The following ADRA1B variants were observed in gnomAD, a reference collection of about 807,000 sequenced individuals.
ADRA1B encodes the protein adrenoceptor alpha 1B, also known as alpha-1B adrenergic receptor.
In ADRA1B, 17 loss-of-function variants were observed where a neutral mutation model predicts 17.9. The ratio of observed to expected loss-of-function variants is 0.95; its 90% CI spans 0.65 to 1.42. ADRA1B has a LOEUF of 1.42. Among genes scored for constraint, ADRA1B ranks in the 40% most tolerant of loss-of-function variants. The probability of loss-of-function intolerance (pLI) is 0.00; values close to 1 mark genes in which losing one functional copy is unlikely to be tolerated. For missense variants in ADRA1B, 681 were observed against 722.1 expected (o/e 0.94, Z 0.65); for synonymous variants, 366 against 327.6 (o/e 1.12, Z -1.27).
At chr5:159,913,840 A>G (rs1219275566), upstream of ADRA1B, among the ~76,000 whole-genome samples, 1 of 152,080 alleles carries the variant, frequency 6.6e-6, no homozygotes, top group Non-Finnish European at 1.5e-5. Flanking sequence ...GGCCACCACA[A>G]TCAAAATGTG....
intron 1 of ADRA1B, among the ~76,000 whole-genome samples, chr5:159,934,594 C>T (rs1203211148): frequency 6.6e-6 from 1 of 151,974 alleles, no homozygotes; most frequent in African/African-American, 2.4e-5. Context: ...CACTTGAGGT[C>T]AGGAGTTTGA....
intron 1 of ADRA1B, among the ~76,000 whole-genome samples, chr5:159,959,414 A>T (rs1755623929): frequency 6.6e-6 from 1 of 152,260 alleles, no homozygotes; most frequent in African/African-American, 2.4e-5. Flanking sequence ...CATTCACTGT[A>T]ACAGGCTCTG....
rs142034556 is a variant in ADRA1B, at chr5:159,897,095, G to A, written c.-255-19024G>A. The stretch of plus-strand genomic sequence containing the variant: ...CAACTGATCCAAAGTCACACAGCAA[G>A]GAGATGACAGAGCTGGGAGGAAAAT... On this transcript the variant is annotated intron_variant, in intron 1 of 2. Coordinates refer to the ADRA1B transcript ENST00000641205. Among the ~76,000 whole-genome samples, 47 of 152,348 alleles carry A rather than the reference G, an allele frequency of 3.1e-4. No homozygotes were observed. In the East Asian group the frequency reaches 8.9e-3, roughly 29 times the overall value.
chr5:159,887,864 T>C (rs1208778262), intron 1 of ADRA1B, among the ~76,000 whole-genome samples: 2 of 150,512 alleles, frequency 1.3e-5, no homozygotes, highest in South Asian at 4.2e-4. Context: ...TCGGTGGAAG[T>C]GCTAACAAGG....
At chr5:159,910,074 A>C (rs1267098197) in intron 1 of ADRA1B, among the ~76,000 whole-genome samples, 1 of 152,230 alleles carries the variant, frequency 6.6e-6, no homozygotes, top group South Asian at 2.1e-4. Context: ...ATATACGCAC[A>C]CACATATATA....
chr5:159,905,875 G>A (rs1290793356), intron 1 of ADRA1B, among the ~76,000 whole-genome samples: 1 of 125,336 alleles, frequency 8.0e-6, no homozygotes, highest in Non-Finnish European at 1.8e-5. Context: ...TTTTTTTTTT[G>A]AGTCAGAGTC....
upstream of ADRA1B, among the ~76,000 whole-genome samples, chr5:159,913,781 C>A (rs552523678): frequency 9.9e-5 from 15 of 152,244 alleles, no homozygotes; most frequent in South Asian, 3.1e-3. Context: ...TGGTGTGTTG[C>A]TGGCTGTTCA....
intron 1 of ADRA1B, among the ~76,000 whole-genome samples, chr5:159,939,948 C>A (rs1755080377): frequency 6.6e-6 from 1 of 152,216 alleles, no homozygotes; most frequent in Non-Finnish European, 1.5e-5. Flanking sequence ...TCTGTCCTCA[C>A]TCCATGCCCA....
chr5:159,912,215 C>G (rs963014410), upstream of ADRA1B, among the ~76,000 whole-genome samples: 1 of 152,206 alleles, frequency 6.6e-6, no homozygotes, highest in African/African-American at 2.4e-5. Flanking sequence ...CTTCATTTCA[C>G]AGGTGAGGAA....
At chr5:159,941,426 A>G (rs564895242) in intron 1 of ADRA1B, among the ~76,000 whole-genome samples, 2 of 152,314 alleles carry the variant, frequency 1.3e-5, no homozygotes, top group African/African-American at 4.8e-5. Flanking sequence ...ACTCACATTT[A>G]TGGCAATGTA....
intron 1 of ADRA1B, among the ~76,000 whole-genome samples, chr5:159,896,818 AC>A (rs1335810652): frequency 7.9e-5 from 12 of 152,218 alleles, no homozygotes; most frequent in African/African-American, 2.9e-4. Flanking sequence ...TCTCCAAGTC[AC>A]CAAGTCAAAA....
At position 159,971,937 on chromosome 5, in the gene ADRA1B, G is replaced by A. The variant is rs1263549517; in HGVS notation, c.1008G>A (p.Leu336=). The change falls in exon 2 of 2, where the codon CTG becomes CTA. Residue 336 remains leucine (L), a synonymous_variant. Coordinates refer to ENST00000306675, the MANE Select transcript of ADRA1B (RefSeq NM_000679.4). The part of the protein sequence containing the change: ...PDAVFKVVFW[L]GYFNSCLNPI... ...CCGTGTTCAAGGTGGTGTTCTGGCT[G>A]GGCTACTTCAACAGCTGCCTCAACC... 4 of 1,416,840 alleles carry A rather than the reference G, an allele frequency of 2.8e-6. No homozygotes were observed. Among genetic ancestry groups the A allele is most frequent in the East Asian group, 2.7e-5 (1 of 36,736 alleles). The allele number at this position is 1,416,840 out of a possible 1,614,324, so 87.8% of individuals were successfully genotyped here. A position where few individuals can be genotyped will look rare whatever the true frequency, so the allele number is the denominator to read the frequency against.
chr5:159,974,601 A>G (rs4921102), downstream of ADRA1B, among the ~76,000 whole-genome samples: 2 of 150,240 alleles, frequency 1.3e-5, no homozygotes, highest in East Asian at 3.9e-4. Flanking sequence ...ACACCATTGC[A>G]CTCCAGCCTG....
intron 1 of ADRA1B, among the ~76,000 whole-genome samples, chr5:159,939,454 C>T (rs569898408): frequency 1.3e-5 from 2 of 152,150 alleles, no homozygotes; most frequent in South Asian, 4.2e-4. Context: ...GCTGAATTAC[C>T]CCAGGGTGAC....
chr5:159,918,812 G>T (rs1754399519), intron 1 of ADRA1B, among the ~76,000 whole-genome samples: 1 of 152,192 alleles, frequency 6.6e-6, no homozygotes, highest in African/African-American at 2.4e-5. Flanking sequence ...ATGGCCTGGG[G>T]ATCCCTTGTC....
intron 1 of ADRA1B, among the ~76,000 whole-genome samples, chr5:159,867,443 T>A (rs1463983447): frequency 6.6e-6 from 1 of 152,212 alleles, no homozygotes; most frequent in Non-Finnish European, 1.5e-5. Flanking sequence ...GCAGTACAAC[T>A]GATTCACCAT....
intron 1 of ADRA1B, among the ~76,000 whole-genome samples, chr5:159,954,141 G>A (rs571363208): frequency 1.3e-4 from 20 of 152,296 alleles, no homozygotes; most frequent in Admixed American, 7.8e-4. Context: ...AGCGAGATCC[G>A]CATCAATAGT....
rs1214143439 is a variant in ADRA1B at position 159,916,703 on chromosome 5, C to T, written c.-203C>T. 14 of 573,816 alleles carry T rather than the reference C, an allele frequency of 2.4e-5. No individual in the cohort carries two copies. The highest frequency in any genetic ancestry group is 4.0e-5 in the Non-Finnish European group (13 of 325,434). 35.5% of individuals were successfully genotyped at this position (573,816 alleles called of 1,614,324 possible). ...CTCGTCCCCTCTCCTCCTCCTCCTCCCTCTGACAGGCGAGCGAGCGACTCG... is the reference window on the plus strand; with the variant it reads ...CTCGTCCCCTCTCCTCCTCCTCCTCTCTCTGACAGGCGAGCGAGCGACTCG... On this transcript the variant is annotated 5_prime_UTR_variant, in exon 1 of 2. Coordinates refer to ENST00000306675, the MANE Select transcript of ADRA1B (RefSeq NM_000679.4).
chr5:159,892,034 G>A (rs1390781429), intron 1 of ADRA1B, among the ~76,000 whole-genome samples: 1 of 152,140 alleles, frequency 6.6e-6, no homozygotes, highest in Non-Finnish European at 1.5e-5. Context: ...GTCAGGAGTT[G>A]GACATCAGCC....
Sources: allele counts gnomAD v4.1 joint callset (sites outside exome capture counted in the v4.1 genomes callset), GRCh38; gene constraint gnomAD v4.1.1; transcripts MANE v1.5; gene names NCBI Gene and HGNC (gene_info 2026-07-23, HGNC 2026-07-21).